FIP1L1: variants seen among roughly 807,000 people sequenced by gnomAD.
The protein encoded by FIP1L1 is pre-mRNA 3'-end-processing factor FIP1.
A neutral mutation model predicts 84.6 loss-of-function variants in FIP1L1; 21 were observed. That is an observed-to-expected ratio of 0.25 (90% confidence interval 0.18 to 0.36). FIP1L1 has a LOEUF of 0.36. Among genes scored for constraint, FIP1L1 ranks in the 10% least tolerant of loss-of-function variants. FIP1L1 has a pLI of 1.00. For synonymous variants in FIP1L1, 263 were observed against 242.3 expected (o/e 1.09, Z -0.80); for missense variants, 526 against 751.1 (o/e 0.70, Z 3.50).
intron 12 of FIP1L1, 109 bp downstream of exon 12, chr4:53,426,074 A>G (rs1345405627): frequency 4.1e-5 from 24 of 585,052 alleles, no homozygotes; most frequent in Non-Finnish European, 5.6e-6. Context: ...TTTAGGTGAT[A>G]CAAAGAGATT....
intron 10 of FIP1L1, among the ~76,000 whole-genome samples, chr4:53,408,508 G>A (rs545729002): frequency 8.1e-4 from 124 of 152,180 alleles, no homozygotes; most frequent in Non-Finnish European, 1.4e-3. Context: ...TCTTTGTGGC[G>A]TTCTCTGTAT....
chr4:53,410,064 A>AATCACCCGTCTTC (rs1286881952), intron 10 of FIP1L1, among the ~76,000 whole-genome samples: 9 of 152,176 alleles, frequency 5.9e-5, no homozygotes, highest in Non-Finnish European at 1.2e-4. Context: ...GAAATGCAGA[A>AATCACCCGTCTTC]ATCACCCGTC....
At chr4:53,448,297 A>C (rs533919570) in intron 15 of FIP1L1, among the ~76,000 whole-genome samples, 3 of 152,182 alleles carry the variant, frequency 2.0e-5, no homozygotes, top group Admixed American at 2.0e-4. Flanking sequence ...ATGTGTATGA[A>C]TCTGGTTTTG....
intron 10 of FIP1L1, 75 bp downstream of exon 10, chr4:53,399,914 TA>T: frequency 2.0e-6 from 2 of 988,600 alleles, no homozygotes; most frequent in South Asian, 3.5e-5. Context: ...ATATTAAGTA[TA>T]AAAGCTCTGA....
intron 6 of FIP1L1, 120 bp from the exon 7 acceptor site, chr4:53,390,401 C>T (rs1020641553): frequency 1.7e-6 from 1 of 580,762 alleles, no homozygotes; most frequent in Non-Finnish European, 3.0e-6. Flanking sequence ...TGTTTGTTTT[C>T]TGTTTGTGTG....
chr4:53,458,737 T>C lies in FIP1L1; in HGVS notation c.1584T>C (p.His528=). The change falls in exon 17 of 18, where the codon CAT becomes CAC. Residue 528 remains histidine (H), a synonymous_variant. Transcript: ENST00000337488. ...CAAGTCGAGAAAAAGAAGAACGACATAGAGAAAGACGACACAGGGAGAAAG... is the reference window on the plus strand; with the variant it reads ...CAAGTCGAGAAAAAGAAGAACGACACAGAGAAAGACGACACAGGGAGAAAG... ...HRASREKEER[H]RERRHREKEE... 2 of 1,613,124 alleles carry C rather than the reference T, an allele frequency of 1.2e-6. No homozygotes were observed. The highest frequency in any genetic ancestry group is 1.1e-5 in the South Asian group (1 of 91,010).
chr4:53,393,543 GTT>G (rs966150753), intron 9 of FIP1L1, among the ~76,000 whole-genome samples: 1 of 150,064 alleles, frequency 6.7e-6, no homozygotes, highest in Non-Finnish European at 1.5e-5. Context: ...TATGAATAAA[GTT>G]TTTTTAAAAA....
At position 53,415,377 on chromosome 4, in the gene FIP1L1, A is replaced by G. The variant is rs1272319397; in HGVS notation, c.923+655A>G. 3.9e-5 allele frequency among the ~76,000 whole-genome samples: 6 copies of G among 152,250 alleles called. No homozygotes were observed. In the South Asian group the frequency reaches 1.2e-3, roughly 31 times the overall value. On this transcript the variant is annotated intron_variant, in intron 11 of 17. Coordinates refer to ENST00000337488, the MANE Select transcript of FIP1L1 (RefSeq NM_030917.4). ...TTAAGGGATGCAATGAGAAACAACT[A>G]TGTTCCAATATGAAACTACATTACT...
At chr4:53,390,791 G>A (rs1226606133) in intron 7 of FIP1L1, among the ~76,000 whole-genome samples, 163 bp downstream of exon 7, 3 of 152,076 alleles carry the variant, frequency 2.0e-5, no homozygotes, top group Non-Finnish European at 4.4e-5. Flanking sequence ...CTTACTGGTG[G>A]CCTTGTATTA....
rs1368663965 is a variant in FIP1L1 at position 53,391,104 on chromosome 4, G to A, written c.601G>A (p.Val201Ile). The A allele has an allele frequency of 1.9e-6, 3 of 1,611,504 alleles. No individual in the cohort carries two copies. Among genetic ancestry groups the A allele is most frequent in the African/African-American group, 2.7e-5 (2 of 74,758 alleles). Residue 201 changes from valine (V) to isoleucine (I), a missense_variant, in exon 8 of 18, where the codon GTT becomes ATT. By Grantham distance (29) the Val-to-Ile change is conservative. Coordinates refer to ENST00000337488, the MANE Select transcript of FIP1L1 (RefSeq NM_030917.4). ...AAAGAGGATACGAATGGGACTTGAA[G>A]TTATACCAGTAACCTCTACTACAAA... ...KQKRIRMGLE[V>I]IPVTSTTNKI...
chr4:53,378,080 C>G (rs1448904684), intron 1 of FIP1L1, 157 bp downstream of exon 1: 2 of 589,916 alleles, frequency 3.4e-6, no homozygotes, highest in Non-Finnish European at 5.5e-6. Flanking sequence ...TGCGCGTGCC[C>G]CCAGTCCCCG....
intron 10 of FIP1L1, among the ~76,000 whole-genome samples, chr4:53,403,045 G>A (rs1751104844): frequency 6.6e-6 from 1 of 152,300 alleles, no homozygotes; most frequent in African/African-American, 2.4e-5. Context: ...GAGGCCATTG[G>A]AAGGTAGCAT....
chr4:53,420,421 C>T (rs1184771956), intron 11 of FIP1L1, among the ~76,000 whole-genome samples: 11 of 124,784 alleles, frequency 8.8e-5, no homozygotes, highest in East Asian at 2.2e-4. Context: ...AAGAGTGAAA[C>T]TCCATCTCAA....
intron 13 of FIP1L1, among the ~76,000 whole-genome samples, chr4:53,440,273 A>T (rs17082782): frequency 0.7 from 105,532 of 151,804 alleles, 36,761 homozygotes; most frequent in Middle Eastern, 0.72. Context: ...CATATTTAGT[A>T]AGGATTAACT....
At chr4:53,403,646 G>T (rs1444939961) in intron 10 of FIP1L1, among the ~76,000 whole-genome samples, 2 of 152,186 alleles carry the variant, frequency 1.3e-5, no homozygotes, top group Non-Finnish European at 2.9e-5. Flanking sequence ...TTGGGAGGCA[G>T]GAGATCAGAT....
At position 53,395,190 on chromosome 4, in the gene FIP1L1, A is replaced by G. The variant is rs1746572961; in HGVS notation, c.705+3692A>G. 3.3e-5 allele frequency among the ~76,000 whole-genome samples: 5 copies of G among 152,210 alleles called. No homozygotes were observed. The South Asian group carries it at 1.0e-3, about 32-fold the overall frequency. ...TGAGTGTAACATCTGAAGACAAACAAATGGATAATCAAGTTGACTAGAAAG... is the reference window on the plus strand; with the variant it reads ...TGAGTGTAACATCTGAAGACAAACAGATGGATAATCAAGTTGACTAGAAAG... On this transcript the variant is annotated intron_variant, in intron 9 of 17. Coordinates refer to ENST00000337488, the MANE Select transcript of FIP1L1 (RefSeq NM_030917.4).
In FIP1L1 at chr4:53,381,753, C is replaced by CTTTTTTTT. The variant is rs531488760; in HGVS notation, c.171-508_171-501dup. Among the ~76,000 whole-genome samples, 537 of 87,872 alleles carry CTTTTTTTT rather than the reference C, an allele frequency of 6.1e-3. 68 individuals carry two copies. Among genetic ancestry groups the CTTTTTTTT allele is most frequent in the East Asian group, 0.015 (35 of 2,404 alleles). The allele number at this position is 87,872 out of a possible 152,430, so 57.6% of individuals were successfully genotyped here. On this transcript the variant is annotated intron_variant, in intron 3 of 17. Transcript: ENST00000337488. ...AATAAACTGTGAAGGCATTTGCATTCTTTTTTTTTTTTTTTTTTTTTTTTG... is the reference window on the plus strand; with the variant it reads ...AATAAACTGTGAAGGCATTTGCATTCTTTTTTTTTTTTTTTTTTTTTTTTTTTTTTTTG...
At chr4:53,379,789 A>G (rs1430170150) in intron 3 of FIP1L1, among the ~76,000 whole-genome samples, 1 of 152,202 alleles carries the variant, frequency 6.6e-6, no homozygotes, top group Non-Finnish European at 1.5e-5. Context: ...GTTCATTTAT[A>G]GAACATATAC....
chr4:53,383,796 T>G lies in FIP1L1; in HGVS notation c.252T>G (p.Asp84Glu), dbSNP rs1344114031. ...AGAAAGTGACTGAGACCGAAGATGA[T>G]AGTGATAGTGACAGCGATGATGATG... Reference protein sequence around the residue: ...PKPKVTETEDDSDSDSDDDED... With the variant: ...PKPKVTETEDESDSDSDDDED... Residue 84 changes from aspartate to glutamate, a missense_variant, in exon 5 of 18, where the codon GAT becomes GAG. Around this residue, in one of 6 missense-constraint regions of FIP1L1, gnomAD observed 100 missense variants for 107.2 expected, o/e 0.93. Coordinates refer to ENST00000337488, the MANE Select transcript of FIP1L1 (RefSeq NM_030917.4). The G allele has an allele frequency of 6.2e-7, 1 of 1,610,880 alleles. No individual in the cohort carries two copies. The highest frequency in any genetic ancestry group is 1.1e-5 in the South Asian group (1 of 90,892).
Sources: allele counts gnomAD v4.1 joint callset (sites outside exome capture counted in the v4.1 genomes callset), GRCh38; gene constraint gnomAD v4.1.1; regional missense constraint gnomAD v4.1.1; transcripts MANE v1.5; gene names NCBI Gene and HGNC (gene_info 2026-07-23, HGNC 2026-07-21).